IMMP2L: variants seen among roughly 807,000 people sequenced by gnomAD.
IMMP2L encodes mitochondrial inner membrane protease subunit 2.
In IMMP2L, 18 loss-of-function variants were observed where a neutral mutation model predicts 19.3. The ratio of observed to expected loss-of-function variants is 0.93; its 90% confidence interval spans 0.64 to 1.38. The LOEUF is 1.38. IMMP2L is among the 40% of genes most tolerant of loss of function. The probability of loss-of-function intolerance (pLI) is 0.00; values close to 1 mark genes in which losing one functional copy is unlikely to be tolerated. For missense variants in IMMP2L, 233 were observed against 218.2 expected (o/e 1.07, Z -0.43); for synonymous variants, 76 against 73.0 (o/e 1.04, Z -0.21).
intron 3 of IMMP2L, among the ~76,000 whole-genome samples, chr7:111,045,415 C>T (rs1265661511): frequency 6.6e-6 from 1 of 152,210 alleles, no homozygotes; most frequent in Non-Finnish European, 1.5e-5. Context: ...ACAATTTATT[C>T]CCTACATAGT....
chr7:111,065,934 G>A lies in IMMP2L; in HGVS notation c.240-102369C>T, dbSNP rs201957859. ...TGTGTGCGCGCGCGTGTATGCGCGC[G>A]CACGCTTGGTTGGTTGGCTTGGCTT... On this transcript the variant is annotated intron_variant, in intron 3 of 5. Transcript: ENST00000405709. Among the ~76,000 whole-genome samples the A allele has an allele frequency of 4.7e-5, 7 of 149,776 alleles. 1 individual carries two copies. Among genetic ancestry groups the A allele is most frequent in the South Asian group, 4.4e-4 (2 of 4,554 alleles).
At chr7:111,186,748 G>T (rs1808311226) in intron 3 of IMMP2L, among the ~76,000 whole-genome samples, 1 of 151,956 alleles carries the variant, frequency 6.6e-6, no homozygotes, top group South Asian at 2.1e-4. Flanking sequence ...ACTTTAATCA[G>T]GCATGCTGAT....
At chr7:111,379,258 T>C (rs919380812) in intron 3 of IMMP2L, among the ~76,000 whole-genome samples, 2 of 147,978 alleles carry the variant, frequency 1.4e-5, no homozygotes, top group African/African-American at 4.9e-5. Context: ...TCATGTACAG[T>C]ATCACTTCCT....
At chr7:111,033,548 T>C (rs538426389) in intron 3 of IMMP2L, among the ~76,000 whole-genome samples, 2 of 152,352 alleles carry the variant, frequency 1.3e-5, no homozygotes, top group Admixed American at 1.3e-4. Context: ...TTATTCATAA[T>C]TGCCAAAACT....
At position 111,237,516 on chromosome 7, in the gene IMMP2L, G is replaced by A. The variant is rs116613798; in HGVS notation, c.239+249722C>T. On this transcript the variant is annotated intron_variant, in intron 3 of 5. Transcript: ENST00000405709. ...ACTAAGATAAACTATATATTACCTT[G>A]TTAATATTAATGGTTAATATTAATT... Among the ~76,000 whole-genome samples, 1,347 of 151,760 alleles carry A rather than the reference G, an allele frequency of 8.9e-3. 27 individuals are homozygous for A. Among genetic ancestry groups the A allele is most frequent in the African/African-American group, 0.031 (1,291 of 41,422 alleles).
chr7:111,013,143 C>A (rs1040742428), intron 3 of IMMP2L, among the ~76,000 whole-genome samples: 1 of 151,944 alleles, frequency 6.6e-6, no homozygotes, highest in African/African-American at 2.4e-5. Context: ...GGGAAAAGTA[C>A]CTAAGGACAG....
At chr7:111,392,918 C>T (rs1318597739) in intron 3 of IMMP2L, 1 of 446,674 alleles carries the variant, frequency 2.2e-6, no homozygotes, top group Non-Finnish European at 4.5e-6. Context: ...TGGGGGGTCC[C>T]ACCCACCTGG....
At position 111,518,944 on chromosome 7, in the gene IMMP2L, T is replaced by A. The variant is rs1482929957; in HGVS notation, c.135+2369A>T. On this transcript the variant is annotated intron_variant, in intron 2 of 5. Coordinates refer to ENST00000405709, the MANE Select transcript of IMMP2L (RefSeq NM_032549.4). ...CACAGAACAATGTGATTCAAAGAGA[T>A]GCTGTCATTTTCTTACAGATCACTT... 1.6e-4 allele frequency among the ~76,000 whole-genome samples: 25 copies of A among 152,160 alleles called. 1 individual carries two copies. Among genetic ancestry groups the A allele is most frequent in the Non-Finnish European group, 1.5e-5 (1 of 68,004 alleles).
intron 3 of IMMP2L, among the ~76,000 whole-genome samples, chr7:111,087,229 C>A (rs1458016976): frequency 6.6e-6 from 1 of 152,088 alleles, no homozygotes; most frequent in Admixed American, 6.6e-5. Flanking sequence ...GCGGGCTGAT[C>A]ACGAGGTCAG....
intron 3 of IMMP2L, among the ~76,000 whole-genome samples, chr7:111,351,771 A>G (rs1215065604): frequency 1.3e-5 from 2 of 152,332 alleles, no homozygotes; most frequent in South Asian, 2.1e-4. Context: ...TTGAAATAAG[A>G]AAGTGCAGAC....
intron 3 of IMMP2L, among the ~76,000 whole-genome samples, chr7:111,471,422 C>T (rs1841259122): frequency 6.6e-6 from 1 of 151,910 alleles, no homozygotes; most frequent in Non-Finnish European, 1.5e-5. Flanking sequence ...ATAAAGATTC[C>T]ATAACTTTAG....
At chr7:111,498,966 G>T (rs944825841) in intron 2 of IMMP2L, among the ~76,000 whole-genome samples, 2 of 152,008 alleles carry the variant, frequency 1.3e-5, no homozygotes, top group African/African-American at 4.8e-5. Flanking sequence ...GGGGAAAAAA[G>T]GATATATACC....
intron 3 of IMMP2L, among the ~76,000 whole-genome samples, chr7:111,120,574 T>G (rs1189085557): frequency 6.6e-6 from 1 of 152,118 alleles, no homozygotes; most frequent in Non-Finnish European, 1.5e-5. Flanking sequence ...TGTAATAAAA[T>G]TGTTTTTTCA....
chr7:111,529,298 G>A (rs1374972668), intron 1 of IMMP2L, among the ~76,000 whole-genome samples: 2 of 152,162 alleles, frequency 1.3e-5, no homozygotes, highest in Non-Finnish European at 2.9e-5. Context: ...GATACATGTG[G>A]TCTAATACAA....
At chr7:110,965,530 A>C (rs1214393744) in intron 3 of IMMP2L, among the ~76,000 whole-genome samples, 2 of 151,928 alleles carry the variant, frequency 1.3e-5, no homozygotes, top group African/African-American at 4.8e-5. Context: ...TCCCTTTATT[A>C]AATCAAGTAA....
chr7:111,482,621 T>C (rs966048782), intron 3 of IMMP2L, among the ~76,000 whole-genome samples: 1 of 152,128 alleles, frequency 6.6e-6, no homozygotes, highest in African/African-American at 2.4e-5. Flanking sequence ...CCCAAGTATG[T>C]GGTTCCAAGA....
In IMMP2L at chr7:110,870,502, T is replaced by C. The variant is rs1370125496; in HGVS notation, c.408+16091A>G. ...GAGGAGATAAAAATATAAACATGAA[T>C]AAAGAAATAAAACAAGATAGTCATA... is the stretch of plus-strand genomic sequence containing the variant. On this transcript the variant is annotated intron_variant, in intron 5 of 5. Coordinates refer to ENST00000405709, the MANE Select transcript of IMMP2L (RefSeq NM_032549.4). The surrounding 1 kb of genome is among the most constrained non-coding windows in gnomAD (Gnocchi z 4.2). 6.6e-6 allele frequency among the ~76,000 whole-genome samples: 1 copy of C among 151,980 alleles called. No homozygotes were observed. The highest frequency in any genetic ancestry group is 1.5e-5 in the Non-Finnish European group (1 of 67,974).
intron 5 of IMMP2L, among the ~76,000 whole-genome samples, chr7:110,814,910 A>G (rs1404399511): frequency 6.6e-6 from 1 of 151,992 alleles, no homozygotes; most frequent in African/African-American, 2.4e-5. Context: ...GGGACCATGT[A>G]GGTTTCAAAA....
In IMMP2L at chr7:111,207,974, C is replaced by T. The variant is rs1332788229; in HGVS notation, c.240-244409G>A. On this transcript the variant is annotated intron_variant, in intron 3 of 5. Coordinates refer to ENST00000405709, the MANE Select transcript of IMMP2L (RefSeq NM_032549.4). ...CTCGCTGTACCCTATCATTATATTGCCCATCATTTCACACATTTGTCTTCC... is the reference window on the plus strand; with the variant it reads ...CTCGCTGTACCCTATCATTATATTGTCCATCATTTCACACATTTGTCTTCC... Among the ~76,000 whole-genome samples the T allele has an allele frequency of 2.6e-5, 4 of 152,100 alleles. No individual in the cohort carries two copies. The East Asian group carries it at 7.7e-4, about 29-fold the overall frequency.
Sources: gnomAD v4.1 joint callset for allele counts (sites outside exome capture counted in the v4.1 genomes callset) on GRCh38, gnomAD v4.1.1 for gene constraint, Gnocchi (gnomAD v3.1) non-coding constraint, MANE v1.5 for transcripts, NCBI Gene and HGNC (gene_info 2026-07-23, HGNC 2026-07-21) for gene names.